PMEPA1: variants seen among roughly 807,000 people sequenced by gnomAD.
PMEPA1 encodes protein TMEPAI.
A neutral mutation model predicts 23.0 loss-of-function variants in PMEPA1; 11 were observed. That is an observed-to-expected ratio of 0.48 (90% confidence interval 0.30 to 0.79). The LOEUF (loss-of-function observed/expected upper bound fraction) is 0.79, where lower values mean the gene tolerates loss of function less well. PMEPA1 is among the 30% of genes least tolerant of loss of function. The pLI is 0.06. For synonymous variants in PMEPA1, 204 were observed against 166.4 expected, an observed-to-expected ratio of 1.23 and a Z score of -1.74; for missense variants, 377 against 390.9, an observed-to-expected ratio of 0.96 and a Z score of 0.30.
At chr20:57,665,388 G>A (rs955081236) in intron 1 of PMEPA1, among the ~76,000 whole-genome samples, 8 of 151,854 alleles carry the variant, frequency 5.3e-5, no homozygotes, top group African/African-American at 1.9e-4. Context: ...TAGTCCGCCC[G>A]CCCCCTGCCC....
intron 1 of PMEPA1, among the ~76,000 whole-genome samples, chr20:57,688,984 C>T (rs1016277440): frequency 2.6e-5 from 4 of 152,222 alleles, no homozygotes; most frequent in Non-Finnish European, 5.9e-5. Context: ...TCTGGGCCTT[C>T]GATCCCCGCT....
intron 1 of PMEPA1, among the ~76,000 whole-genome samples, chr20:57,693,496 T>TG (rs1359412697): frequency 6.6e-6 from 1 of 151,934 alleles, no homozygotes; most frequent in Non-Finnish European, 1.5e-5. Context: ...AAGTCGAAGG[T>TG]GGGGGCCAGC....
chr20:57,689,466 AACAGACAC>A (rs2071847179), intron 1 of PMEPA1, among the ~76,000 whole-genome samples: 1 of 152,172 alleles, frequency 6.6e-6, no homozygotes, highest in African/African-American at 2.4e-5. Flanking sequence ...CCTCTGTGGC[AACAGACAC>A]CACCCCGTTC....
chr20:57,674,199 G>T (rs1253632994), intron 1 of PMEPA1, among the ~76,000 whole-genome samples: 1 of 152,190 alleles, frequency 6.6e-6, no homozygotes, highest in African/African-American at 2.4e-5. Flanking sequence ...AGGTCATAAA[G>T]GTGGGGGCCT....
At chr20:57,690,628 GCGCGCAC>G (rs1057189416) in intron 1 of PMEPA1, 1 of 1,196,448 alleles carries the variant, frequency 8.4e-7, no homozygotes, top group Non-Finnish European at 1.1e-6. Flanking sequence ...TGGAGAGCAG[GCGCGCAC>G]CCCAGCCTGC....
In PMEPA1 at chr20:57,651,987, T is replaced by C; in HGVS notation, c.*66A>G. On this transcript the variant is annotated 3_prime_UTR_variant, in exon 4 of 4. Coordinates refer to ENST00000341744, the MANE Select transcript of PMEPA1 (RefSeq NM_020182.5). The stretch of plus-strand genomic sequence containing the variant: ...GCCCCCCGCCTTCCTCTCACTCCTC[T>C]TCTAAGAAGCGCGGAGTGTTCTGCC... The C allele has an allele frequency of 7.3e-7, 1 of 1,363,898 alleles. No individual in the cohort carries two copies. 84.5% of individuals were successfully genotyped at this position (1,363,898 alleles called of 1,614,324 possible). A position where few individuals can be genotyped will look rare whatever the true frequency, so the allele number is the denominator to read the frequency against.
intron 1 of PMEPA1, among the ~76,000 whole-genome samples, chr20:57,689,901 C>T (rs1010524617): frequency 1.5e-4 from 23 of 152,344 alleles, no homozygotes; most frequent in African/African-American, 4.1e-4. Context: ...ACAGACACGG[C>T]GCTGCTGGGG....
chr20:57,666,158 G>C (rs2071489655), intron 1 of PMEPA1, among the ~76,000 whole-genome samples: 1 of 152,082 alleles, frequency 6.6e-6, no homozygotes, highest in Admixed American at 6.5e-5. Flanking sequence ...CTCTTTCCTT[G>C]TGAATAATTT....
chr20:57,661,035 G>C (rs994460811), intron 1 of PMEPA1, among the ~76,000 whole-genome samples: 16 of 152,178 alleles, frequency 1.1e-4, no homozygotes, highest in Non-Finnish European at 8.8e-5. Context: ...TCAACAGGAC[G>C]GGGGTGTCAG....
At chr20:57,684,714 C>T (rs1051437610) in intron 1 of PMEPA1, among the ~76,000 whole-genome samples, 1 of 152,204 alleles carries the variant, frequency 6.6e-6, no homozygotes, top group African/African-American at 2.4e-5. Flanking sequence ...CGGACGCATT[C>T]AACTAGCCCT....
intron 1 of PMEPA1, among the ~76,000 whole-genome samples, chr20:57,675,909 G>A (rs6025717): frequency 5.9e-5 from 9 of 152,244 alleles, no homozygotes; most frequent in Middle Eastern, 3.4e-3. Flanking sequence ...TTCAGGCAAC[G>A]TGAAAAACAG....
intron 1 of PMEPA1, among the ~76,000 whole-genome samples, chr20:57,685,462 T>A (rs2071788512): frequency 6.6e-6 from 1 of 152,240 alleles, no homozygotes; most frequent in Non-Finnish European, 1.5e-5. Context: ...AAGGACTTTT[T>A]ACAGCGCACA....
intron 1 of PMEPA1, among the ~76,000 whole-genome samples, chr20:57,678,760 C>T (rs2071672454): frequency 6.6e-6 from 1 of 152,178 alleles, no homozygotes; most frequent in Non-Finnish European, 1.5e-5. Context: ...TTGTCTGCCC[C>T]AAGTAATAAG....
intron 1 of PMEPA1, among the ~76,000 whole-genome samples, chr20:57,675,836 G>A (rs2146673727): frequency 6.6e-6 from 1 of 152,312 alleles, no homozygotes; most frequent in Middle Eastern, 3.4e-3. Context: ...TGACTGTCTG[G>A]GGTCTAAATC....
Position 57,651,520 on chromosome 20 carries a change from C to T in PMEPA1, c.*533G>A, listed in dbSNP as rs2071227659. ...TTACAAGGTAATACACACTTTCTGACTTGGCACTCAAAAATTGCCATTTTT... is the reference window on the plus strand; with the variant it reads ...TTACAAGGTAATACACACTTTCTGATTTGGCACTCAAAAATTGCCATTTTT... On this transcript the variant is annotated 3_prime_UTR_variant, in exon 4 of 4. Transcript: ENST00000341744. The T allele has an allele frequency of 6.6e-6, 1 of 152,586 alleles. No individual in the cohort carries two copies. The highest frequency in any genetic ancestry group is 2.1e-4 in the South Asian group (1 of 4,834). 9.5% of individuals were successfully genotyped at this position (152,586 alleles called of 1,614,324 possible). A position where few individuals can be genotyped will look rare whatever the true frequency, so the allele number is the denominator to read the frequency against.
chr20:57,657,123 C>T (rs2071337306), intron 2 of PMEPA1, among the ~76,000 whole-genome samples: 1 of 152,186 alleles, frequency 6.6e-6, no homozygotes, highest in Non-Finnish European at 1.5e-5. Context: ...TCTCCTGCTC[C>T]ACAACAGTGA....
chr20:57,659,975 C>T (rs563840434), intron 1 of PMEPA1, among the ~76,000 whole-genome samples: 34 of 152,264 alleles, frequency 2.2e-4, no homozygotes, highest in South Asian at 6.2e-4. Context: ...AGGGACTGAC[C>T]GGAAGGAGGT....
At chr20:57,675,151 C>T (rs1330315735) in intron 1 of PMEPA1, among the ~76,000 whole-genome samples, 1 of 151,728 alleles carries the variant, frequency 6.6e-6, no homozygotes, top group Non-Finnish European at 1.5e-5. Flanking sequence ...ACAATGTCAC[C>T]GCCCACCCTC....
intron 1 of PMEPA1, among the ~76,000 whole-genome samples, chr20:57,661,789 G>C (rs1291370882): frequency 6.6e-6 from 1 of 152,212 alleles, no homozygotes; most frequent in Non-Finnish European, 1.5e-5. Flanking sequence ...ATCCTAGGTG[G>C]GAATGTCACT....
Sources: allele counts gnomAD v4.1 joint callset (sites outside exome capture counted in the v4.1 genomes callset), GRCh38; gene constraint gnomAD v4.1.1; transcripts MANE v1.5; gene names NCBI Gene and HGNC (gene_info 2026-07-23, HGNC 2026-07-21).